TMPRSS2: variants seen among roughly 807,000 people sequenced by gnomAD.
TMPRSS2 encodes transmembrane protease serine 2.
Under a neutral mutation model 67.4 loss-of-function variants are expected in TMPRSS2, and 59 were observed. The observed-to-expected ratio is 0.88, with a 90% CI of 0.71 to 1.09. The LOEUF (loss-of-function observed/expected upper bound fraction) is 1.09. Ranked by LOEUF, TMPRSS2 falls within the 50% of genes least tolerant of loss-of-function variation. TMPRSS2 has a pLI of 0.00. For missense variants in TMPRSS2, 668 were observed against 642.7 expected (o/e 1.04, Z -0.43); for synonymous variants, 257 against 257.0 (o/e 1.00, Z 0.00).
intron 5 of TMPRSS2, among the ~76,000 whole-genome samples, chr21:41,485,577 A>G (rs2091290699): frequency 6.6e-6 from 1 of 151,672 alleles, no homozygotes; most frequent in Non-Finnish European, 1.5e-5. Flanking sequence ...TAACCCCAGG[A>G]CATCGAAGTT....
At chr21:41,502,188 C>T (rs1366226647) in intron 1 of TMPRSS2, among the ~76,000 whole-genome samples, 2 of 152,240 alleles carry the variant, frequency 1.3e-5, no homozygotes, top group Non-Finnish European at 2.9e-5. Context: ...CATCCCATGA[C>T]ATGATGAAGT....
At chr21:41,467,102 T>C (rs2091091533) in intron 13 of TMPRSS2, among the ~76,000 whole-genome samples, 2 of 152,140 alleles carry the variant, frequency 1.3e-5, no homozygotes, top group Admixed American at 6.5e-5. Flanking sequence ...AAAAGTTTCA[T>C]GTGAGGCCGG....
chr21:41,486,934 G>A (rs1404948666), intron 5 of TMPRSS2: 2 of 152,184 alleles, frequency 1.3e-5, no homozygotes, highest in African/African-American at 4.8e-5. Flanking sequence ...TGCACCGTGG[G>A]GGTGGGAGTG....
At position 41,476,567 on chromosome 21, in the gene TMPRSS2, A is replaced by C. The variant is rs200615061; in HGVS notation, c.727+10T>G. On this transcript the variant is annotated intron_variant, in intron 8 of 13. Transcript: ENST00000332149. ...AGAAGTATCAAAAGGGGGACTCCAG[A>C]TGAACTTACCTATACAGCGTAAAGA... The C allele has an allele frequency of 3.2e-4, 524 of 1,612,998 alleles. 4 individuals are homozygous for C. The highest frequency in any genetic ancestry group is 3.0e-3 in the South Asian group (272 of 91,058).
chr21:41,491,853 G>A (rs1057292520), intron 3 of TMPRSS2, among the ~76,000 whole-genome samples: 4 of 152,150 alleles, frequency 2.6e-5, no homozygotes, highest in Non-Finnish European at 5.9e-5. Context: ...ACTGGGTCTT[G>A]GCTTGTCACG....
intron 3 of TMPRSS2, among the ~76,000 whole-genome samples, chr21:41,493,979 G>T (rs2838041): frequency 1.3e-5 from 2 of 152,158 alleles, no homozygotes; most frequent in Non-Finnish European, 2.9e-5. Flanking sequence ...GTATGACAAA[G>T]GTAAGATAGT....
chr21:41,471,654 C>T lies in TMPRSS2; in HGVS notation c.1075+152G>A, dbSNP rs2091134166. 6 of 793,142 alleles carry T rather than the reference C, an allele frequency of 7.6e-6. No homozygotes were observed. The Admixed American group carries it at 8.7e-5, about 11-fold the overall frequency. The allele number at this position is 793,142 out of a possible 1,614,324, so 49.1% of individuals were successfully genotyped here. A position where few individuals can be genotyped will look rare whatever the true frequency, so the allele number is the denominator to read the frequency against. ...CCAAAATGCGGCAGGTGCTCTTAGC[C>T]TCTGTGAGCCTCTCCCATTGGCCAC... On this transcript the variant is annotated intron_variant, in intron 10 of 13. Transcript: ENST00000332149.
At chr21:41,489,304 C>A in intron 4 of TMPRSS2, among the ~76,000 whole-genome samples, 1 of 152,230 alleles carries the variant, frequency 6.6e-6, no homozygotes, top group East Asian at 1.9e-4. Context: ...CACCCCAAAG[C>A]ACTGGGTACA....
intron 9 of TMPRSS2, among the ~76,000 whole-genome samples, chr21:41,472,182 C>T (rs1345357004): frequency 4.0e-5 from 6 of 151,738 alleles, no homozygotes; most frequent in Non-Finnish European, 2.9e-5. Context: ...GCCTCAGCCC[C>T]CCACATCATC....
chr21:41,469,450 C>A (rs2091112283), intron 11 of TMPRSS2, among the ~76,000 whole-genome samples: 1 of 152,160 alleles, frequency 6.6e-6, no homozygotes, highest in Non-Finnish European at 1.5e-5. Context: ...GATCTCCCCA[C>A]CTCAAGCAGA....
intron 3 of TMPRSS2, among the ~76,000 whole-genome samples, chr21:41,493,960 C>T (rs1569024339): frequency 6.6e-6 from 1 of 152,244 alleles, no homozygotes; most frequent in Non-Finnish European, 1.5e-5. Flanking sequence ...CTGTCATATC[C>T]AGGGGACTGT....
rs2091072583 is a variant in TMPRSS2 at position 41,464,928 on chromosome 21, A to G, written c.*1214T>C. The G allele has an allele frequency of 4.3e-6, 1 of 233,196 alleles. No individual in the cohort carries two copies. The highest frequency in any genetic ancestry group is 8.5e-6 in the Non-Finnish European group (1 of 118,064). 14.4% of individuals were successfully genotyped at this position (233,196 alleles called of 1,614,324 possible). On this transcript the variant is annotated 3_prime_UTR_variant, in exon 14 of 14. Transcript: ENST00000332149. Reference sequence around the variant, plus strand: ...GCAGAACCATGGTAGAGTAGTGCTCATGGTTATGGCACTTGGCAATGCAAA... The same window carrying G: ...GCAGAACCATGGTAGAGTAGTGCTCGTGGTTATGGCACTTGGCAATGCAAA...
chr21:41,499,944 G>T (rs779768455), intron 1 of TMPRSS2, among the ~76,000 whole-genome samples: 10 of 152,210 alleles, frequency 6.6e-5, no homozygotes, highest in Non-Finnish European at 1.3e-4. Flanking sequence ...TTCCCAATGA[G>T]GGAACAAGAA....
In TMPRSS2 at chr21:41,488,484, C is replaced by T; in HGVS notation, c.355G>A (p.Glu119Lys). The part of the protein sequence containing the change: ...MGSKCSNSGI[E>K]CDSSGTCINP... ...ATGCAGGTACCTGAGGAGTCGCACT[C>T]TATCCCAGAGTTGGAGCACTTGCTG... The change falls in exon 5 of 14, where the codon GAG (glutamate) becomes AAG (lysine). Residue 119 changes from glutamate to lysine, a missense_variant. Physicochemically the swap from Glu to Lys is moderately conservative, Grantham distance 56. Coordinates refer to ENST00000332149, the MANE Select transcript of TMPRSS2 (RefSeq NM_005656.4). 1 of 1,613,766 alleles carries T rather than the reference C, an allele frequency of 6.2e-7. No homozygotes were observed. The highest frequency in any genetic ancestry group is 8.5e-7 in the Non-Finnish European group (1 of 1,179,764).
At chr21:41,468,247 A>T in intron 12 of TMPRSS2, 149 bp downstream of exon 12, 1 of 958,948 alleles carries the variant, frequency 1.0e-6, no homozygotes, top group Non-Finnish European at 1.5e-6. Flanking sequence ...AAGCGTTCGC[A>T]CTGTTTGTGG....
intron 1 of TMPRSS2, among the ~76,000 whole-genome samples, chr21:41,501,729 C>T (rs1257358846): frequency 6.6e-6 from 1 of 152,068 alleles, no homozygotes; most frequent in Non-Finnish European, 1.5e-5. Flanking sequence ...ACTGCTGTCC[C>T]GAAAAGACCA....
chr21:41,480,870 T>C lies in TMPRSS2; in HGVS notation c.446-268A>G, dbSNP rs370654859. ...CCAGGCTGGTCTTGAACTCCTGACCTCAGGTGATCCCCCTGCCTCGGTCTC... is the reference window on the plus strand; with the variant it reads ...CCAGGCTGGTCTTGAACTCCTGACCCCAGGTGATCCCCCTGCCTCGGTCTC... On this transcript the variant is annotated intron_variant, in intron 5 of 13. Coordinates refer to ENST00000332149, the MANE Select transcript of TMPRSS2 (RefSeq NM_005656.4). Among the ~76,000 whole-genome samples, 730 of 152,280 alleles carry C rather than the reference T, an allele frequency of 4.8e-3. 6 individuals carry two copies. The highest frequency in any genetic ancestry group is 0.017 in the African/African-American group (689 of 41,550).
intron 2 of TMPRSS2, among the ~76,000 whole-genome samples, chr21:41,495,269 C>A (rs766349531): frequency 6.6e-6 from 1 of 152,034 alleles, no homozygotes; most frequent in Non-Finnish European, 1.5e-5. Context: ...TCCTTCATGA[C>A]AATTTAATAC....
intron 1 of TMPRSS2, among the ~76,000 whole-genome samples, chr21:41,503,619 A>C (rs1382837939): frequency 6.6e-6 from 1 of 152,218 alleles, no homozygotes; most frequent in East Asian, 1.9e-4. Flanking sequence ...GCAGGCTTGG[A>C]TTCTATCTGG....
Sources: gnomAD v4.1 joint callset for allele counts (sites outside exome capture counted in the v4.1 genomes callset) on GRCh38, gnomAD v4.1.1 for gene constraint, MANE v1.5 for transcripts, NCBI Gene and HGNC (gene_info 2026-07-23, HGNC 2026-07-21) for gene names.